Variants in CD109 observed in about 807,000 individuals in gnomAD.
CD109 encodes the protein CD109 molecule.
A neutral mutation model predicts 165.8 loss-of-function variants in CD109; 149 were observed. That is an observed-to-expected ratio of 0.90 (90% CI 0.79 to 1.03). The LOEUF (loss-of-function observed/expected upper bound fraction) is 1.03. Ranked by LOEUF, CD109 falls within the 50% of genes least tolerant of loss-of-function variation. The pLI is 0.00. For missense variants in CD109, 1,712 were observed against 1,677.8 expected, an observed-to-expected ratio of 1.02 and a Z score of -0.36; for synonymous variants, 585 against 592.1, an observed-to-expected ratio of 0.99 and a Z score of 0.18.
intron 2 of CD109, among the ~76,000 whole-genome samples, chr6:73,713,459 C>A (rs1771608871): frequency 6.6e-6 from 1 of 151,900 alleles, no homozygotes; most frequent in Non-Finnish European, 1.5e-5. Context: ...CACGATGTTG[C>A]CCAGGCTGGT....
At chr6:73,746,625 TC>T (rs1772993416) in intron 5 of CD109, among the ~76,000 whole-genome samples, 1 of 152,136 alleles carries the variant, frequency 6.6e-6, no homozygotes, top group Non-Finnish European at 1.5e-5. Context: ...AACAAGTTTG[TC>T]CCTTGTACTG....
At chr6:73,714,079 C>A (rs1287847904) in intron 2 of CD109, among the ~76,000 whole-genome samples, 3 of 152,158 alleles carry the variant, frequency 2.0e-5, no homozygotes, top group African/African-American at 7.2e-5. Flanking sequence ...AAGTAACTCT[C>A]AATAATGGAG....
chr6:73,716,704 C>T (rs60771551), intron 2 of CD109, among the ~76,000 whole-genome samples: 7,396 of 152,224 alleles, frequency 0.049, 342 homozygotes, highest in East Asian at 0.16. Context: ...TGAGTAGTTA[C>T]AAAGATTTTC....
chr6:73,808,805 GGTGTGTGTGTGTGT>G (rs10552233), intron 26 of CD109, among the ~76,000 whole-genome samples: 3,641 of 145,982 alleles, frequency 0.025, 158 homozygotes, highest in African/African-American at 0.083. Context: ...CAGGGATCCA[GGTGTGTGTGTGTGT>G]GTGTGTGTGT....
intron 19 of CD109, 22 bp from the exon 20 acceptor site, chr6:73,785,342 G>A (rs368604893): frequency 1.6e-6 from 2 of 1,278,558 alleles, no homozygotes; most frequent in Admixed American, 1.8e-5. Flanking sequence ...ATAAAAATAT[G>A]TACTCGTTGT....
intron 2 of CD109, among the ~76,000 whole-genome samples, chr6:73,706,429 C>T (rs1353017963): frequency 2.0e-5 from 3 of 152,142 alleles, no homozygotes; most frequent in South Asian, 2.1e-4. Context: ...AGATATGCCT[C>T]AGTTGAAGCT....
At position 73,765,978 on chromosome 6, in the gene CD109, A is replaced by G. The variant is rs1773826997; in HGVS notation, c.1156A>G (p.Arg386Gly). Residue 386 changes from arginine to glycine, a missense_variant, in exon 11 of 33, where the codon AGA becomes GGA. Physicochemically the swap from Arg to Gly is moderately radical, Grantham distance 125. Coordinates refer to ENST00000287097, the MANE Select transcript of CD109 (RefSeq NM_133493.5). ...CAACCAACTGACTCTTGAAGAAAGA[A>G]GAAATAATGTAGTCATAACAGTGAC... ...DGNQLTLEER[R>G]NNVVITVTQR... 2.5e-6 allele frequency: 4 copies of G among 1,614,162 alleles called. No individual in the cohort carries two copies. Among genetic ancestry groups the G allele is most frequent in the Non-Finnish European group, 3.4e-6 (4 of 1,179,994 alleles).
intron 26 of CD109, 105 bp downstream of exon 26, chr6:73,808,353 G>A (rs1274036240): frequency 1.8e-6 from 2 of 1,131,942 alleles, no homozygotes; most frequent in Admixed American, 2.4e-5. Flanking sequence ...TGCATCTTTT[G>A]GTGAAAAGTA....
In CD109 at chr6:73,823,683, G is replaced by A; in HGVS notation, c.*50G>A. ...ACACTAACATTTCCAGTAGTCACAT[G>A]TGATTGTTTTGTTTTCGTAGAAGAA... On this transcript the variant is annotated 3_prime_UTR_variant, in exon 33 of 33. Transcript: ENST00000287097. The A allele has an allele frequency of 1.3e-6, 2 of 1,495,310 alleles. No individual in the cohort carries two copies. Among genetic ancestry groups the A allele is most frequent in the Non-Finnish European group, 1.8e-6 (2 of 1,103,128 alleles). 92.6% of individuals were successfully genotyped at this position (1,495,310 alleles called of 1,614,324 possible). A position where few individuals can be genotyped will look rare whatever the true frequency, so the allele number is the denominator to read the frequency against.
At chr6:73,773,447 T>C (rs1774120615) in intron 15 of CD109, among the ~76,000 whole-genome samples, 1 of 152,116 alleles carries the variant, frequency 6.6e-6, no homozygotes, top group Non-Finnish European at 1.5e-5. Flanking sequence ...TTAATCCACT[T>C]ATAAGTATGG....
At chr6:73,695,858 T>C (rs1770801367), upstream of CD109, 2 of 326,762 alleles carry the variant, frequency 6.1e-6, no homozygotes, top group Non-Finnish European at 1.2e-5. Context: ...AGAGCGCTAG[T>C]GTAAACAGCC....
At chr6:73,813,870 A>G (rs985765171) in intron 29 of CD109, among the ~76,000 whole-genome samples, 3 of 152,156 alleles carry the variant, frequency 2.0e-5, no homozygotes, top group African/African-American at 7.2e-5. Flanking sequence ...GGACAATTGC[A>G]TGCCACCGAA....
chr6:73,712,981 A>G (rs2150157844), intron 2 of CD109, among the ~76,000 whole-genome samples: 1 of 152,330 alleles, frequency 6.6e-6, no homozygotes, highest in East Asian at 1.9e-4. Context: ...GCCAAAAGGG[A>G]GAAAAATGTT....
At chr6:73,720,078 A>G (rs1351439513) in intron 2 of CD109, among the ~76,000 whole-genome samples, 1 of 152,186 alleles carries the variant, frequency 6.6e-6, no homozygotes, top group Non-Finnish European at 1.5e-5. Flanking sequence ...AATATCTAAG[A>G]TATGGAATCG....
At chr6:73,818,659 A>T in intron 31 of CD109, 124 bp downstream of exon 31, 1 of 826,116 alleles carries the variant, frequency 1.2e-6, no homozygotes, top group Admixed American at 3.1e-5. Context: ...TCCCTGAATG[A>T]GTTTAACATG....
In CD109 at chr6:73,760,406, C is replaced by CAA. The variant is rs35181896; in HGVS notation, c.758+1407_758+1408dup. Among the ~76,000 whole-genome samples, 110 of 16,596 alleles carry CAA rather than the reference C, an allele frequency of 6.6e-3. 17 individuals carry two copies. Among genetic ancestry groups the CAA allele is most frequent in the Non-Finnish European group, 8.8e-3 (67 of 7,638 alleles). 10.9% of individuals were successfully genotyped at this position (16,596 alleles called of 152,430 possible). On this transcript the variant is annotated intron_variant, in intron 7 of 32. Coordinates refer to ENST00000287097, the MANE Select transcript of CD109 (RefSeq NM_133493.5). ...TGGGCTAAAGAGCGGGACCCCGTCT[C>CAA]AAAAAAAAAAAAAAAAAAAAAAAAA... is the stretch of plus-strand genomic sequence containing the variant.
the CD109 span, among the ~76,000 whole-genome samples, chr6:73,685,790 C>T: frequency 9.8e-4 from 149 of 152,286 alleles, no homozygotes; most frequent in African/African-American, 3.6e-3. Flanking sequence ...TAGGTGAAAA[C>T]ATACAGTATT....
chr6:73,694,183 C>T (rs1217306403), upstream of CD109: 1 of 152,204 alleles, frequency 6.6e-6, no homozygotes, highest in African/African-American at 2.4e-5. Flanking sequence ...ACCACCACGC[C>T]TGGCCTCATT....
intron 22 of CD109, among the ~76,000 whole-genome samples, chr6:73,790,196 G>A (rs954405687): frequency 1.3e-4 from 19 of 151,134 alleles, no homozygotes; most frequent in African/African-American, 4.6e-4. Context: ...CTGGGTTTAA[G>A]CAGTTCTTAT....
Sources: gnomAD v4.1 joint callset for allele counts (sites outside exome capture counted in the v4.1 genomes callset) on GRCh38, gnomAD v4.1.1 for gene constraint, MANE v1.5 for transcripts, NCBI Gene and HGNC (gene_info 2026-07-23, HGNC 2026-07-21) for gene names.